The following CFAP74 variants were observed in gnomAD, a reference collection of about 807,000 sequenced individuals.
CFAP74 encodes the protein cilia- and flagella-associated protein 74.
In CFAP74, 124 loss-of-function variants were observed where a neutral mutation model predicts 188.9. That is an observed-to-expected ratio of 0.66 (90% CI 0.57 to 0.76). The LOEUF is 0.76. CFAP74 is among the 30% of genes least tolerant of loss of function. The pLI, the probability that CFAP74 is intolerant of heterozygous loss-of-function variation, is 0.00. For missense variants in CFAP74, 2,198 were observed against 2,165.2 expected (o/e 1.02, Z -0.30); for synonymous variants, 956 against 916.7 (o/e 1.04, Z -0.77).
rs1651936529 is a variant in CFAP74 at position 1,926,762 on chromosome 1, C to A, written c.3663-1G>T. 3 of 1,549,816 alleles carry A rather than the reference C, an allele frequency of 1.9e-6. No homozygotes were observed. Among genetic ancestry groups the A allele is most frequent in the Non-Finnish European group, 2.6e-6 (3 of 1,146,724 alleles). On this transcript the variant is annotated splice_acceptor_variant, in intron 29 of 38. Coordinates refer to ENST00000682832, the MANE Select transcript of CFAP74 (RefSeq NM_001304360.2). LOFTEE classifies it high-confidence loss of function. ...CTCCAGGTACAGGGTGTTGTGGGGG[C>A]TGGGATAGGAAGGGCATGCTGAGGG... is the stretch of plus-strand genomic sequence containing the variant.
rs2748972 is a variant in CFAP74 at position 1,960,038 on chromosome 1, A to G, written c.1695-8T>C. The G allele has an allele frequency of 0.11, 176,424 of 1,592,642 alleles. 11,760 individuals carry two copies. The highest frequency in any genetic ancestry group is 0.3 in the African/African-American group (21,685 of 72,700). On this transcript the variant is annotated splice_polypyrimidine_tract_variant and splice_region_variant and intron_variant, in intron 14 of 38. Coordinates refer to ENST00000682832, the MANE Select transcript of CFAP74 (RefSeq NM_001304360.2). ...GGGCCAGGGGGGTCAAAGCTGCAGG[A>G]CGTGACCCATAGCACACGGGGGTTA... is the stretch of plus-strand genomic sequence containing the variant.
chr1:1,928,507 C>A (rs544895302), intron 27 of CFAP74, among the ~76,000 whole-genome samples: 3 of 152,332 alleles, frequency 2.0e-5, no homozygotes, highest in Admixed American at 6.5e-5. Flanking sequence ...CCCTTCATTG[C>A]ATCCGCTGCA....
chr1:1,936,458 T>G (rs1302313167), intron 25 of CFAP74, among the ~76,000 whole-genome samples: 1 of 150,708 alleles, frequency 6.6e-6, no homozygotes, highest in Non-Finnish European at 1.5e-5. Flanking sequence ...GCAGGAGAAT[T>G]GCTTGAACCC....
intron 17 of CFAP74, among the ~76,000 whole-genome samples, chr1:1,956,290 AC>A: frequency 6.6e-6 from 1 of 151,486 alleles, no homozygotes; most frequent in East Asian, 1.9e-4. Flanking sequence ...CAGTCCTCCC[AC>A]CCCCACACCT....
rs146084753 is a variant in CFAP74 at position 1,923,648 on chromosome 1, A to G, written c.4389+127T>C. On this transcript the variant is annotated intron_variant, in intron 35 of 38. Transcript: ENST00000682832. The surrounding 1 kb of genome is among the most constrained non-coding windows in gnomAD (Gnocchi z 6.3). The stretch of plus-strand genomic sequence containing the variant: ...TCTGGTCTTTCCACTGACGGCCCTC[A>G]GTGTGGTGCTGAGTCCCCCAGCCAT... 33 of 1,531,520 alleles carry G rather than the reference A, an allele frequency of 2.2e-5. No homozygotes were observed. The Middle Eastern group carries it at 1.2e-3, about 54-fold the overall frequency. The allele number at this position is 1,531,520 out of a possible 1,614,324, so 94.9% of individuals were successfully genotyped here. A position where few individuals can be genotyped will look rare whatever the true frequency, so the allele number is the denominator to read the frequency against.
At position 1,985,175 on chromosome 1, in the gene CFAP74, T is replaced by G. The variant is rs1657153352; in HGVS notation, c.500+211A>C. Reference sequence around the variant, plus strand: ...AAAAAGAACCTGATTTTGGAGTTCCTAGGAACATAAACAAACCCAGAGAAA... The same window carrying G: ...AAAAAGAACCTGATTTTGGAGTTCCGAGGAACATAAACAAACCCAGAGAAA... On this transcript the variant is annotated intron_variant, in intron 6 of 38. Transcript: ENST00000682832. The G allele has an allele frequency of 2.5e-5, 13 of 519,710 alleles. No individual in the cohort carries two copies. In the South Asian group the frequency reaches 3.2e-4, roughly 13 times the overall value. 32.2% of individuals were successfully genotyped at this position (519,710 alleles called of 1,614,324 possible). A position where few individuals can be genotyped will look rare whatever the true frequency, so the allele number is the denominator to read the frequency against.
In CFAP74 at chr1:1,944,281, C is replaced by T. The variant is rs749528894; in HGVS notation, c.2486+50G>A. 28 of 1,516,716 alleles carry T rather than the reference C, an allele frequency of 1.8e-5. No homozygotes were observed. In the South Asian group the frequency reaches 3.3e-4, roughly 18 times the overall value. The allele number at this position is 1,516,716 out of a possible 1,614,324, so 94.0% of individuals were successfully genotyped here. The stretch of plus-strand genomic sequence containing the variant: ...GCGTGTGCACAGGCAGGCAGCGGCT[C>T]ACCCCGTGTGCGTGGGTCACCCCGT... On this transcript the variant is annotated intron_variant, in intron 21 of 38. Coordinates refer to ENST00000682832, the MANE Select transcript of CFAP74 (RefSeq NM_001304360.2).
intron 16 of CFAP74, 99 bp downstream of exon 16, chr1:1,959,021 C>T (rs1216558419): frequency 2.6e-5 from 21 of 795,262 alleles, no homozygotes; most frequent in Non-Finnish European, 3.8e-5. Flanking sequence ...ACCTGGTCCC[C>T]CCGCCAACCT....
Position 1,927,617 on chromosome 1 carries a change from G to A in CFAP74, c.3517C>T (p.Leu1173=). Residue 1173 remains leucine, a synonymous_variant, in exon 28 of 39, where the codon CTG becomes TTG. Transcript: ENST00000682832. Reference sequence around the variant, plus strand: ...CCCTCCTGGACCCACCTGGGCCTCAGCTCCCGCTTCCGCATCTCCAGGACG... The same window carrying A: ...CCCTCCTGGACCCACCTGGGCCTCAACTCCCGCTTCCGCATCTCCAGGACG... ...PHVLEMRKRE[L]RPSSDEYQAA... 6.5e-7 allele frequency: 1 copy of A among 1,549,800 alleles called. No individual in the cohort carries two copies.
At chr1:1,983,290 G>A (rs866413557) in intron 6 of CFAP74, among the ~76,000 whole-genome samples, 1 of 152,224 alleles carries the variant, frequency 6.6e-6, no homozygotes, top group Non-Finnish European at 1.5e-5. Flanking sequence ...GACACGGAGC[G>A]GGATTTCCCA....
At chr1:1,953,069 T>C (rs1334045655) in intron 18 of CFAP74, among the ~76,000 whole-genome samples, 1 of 152,064 alleles carries the variant, frequency 6.6e-6, no homozygotes, top group Non-Finnish European at 1.5e-5. Flanking sequence ...GATTCTACAG[T>C]TTATGTGGAA....
chr1:1,947,445 C>T (rs1232213628), intron 18 of CFAP74, among the ~76,000 whole-genome samples: 3 of 152,226 alleles, frequency 2.0e-5, no homozygotes, highest in African/African-American at 7.2e-5. Flanking sequence ...GTACTGTTCC[C>T]TACGGGTACC....
chr1:1,983,277 G>T (rs1439836166), intron 6 of CFAP74, among the ~76,000 whole-genome samples: 4 of 152,236 alleles, frequency 2.6e-5, no homozygotes, highest in Admixed American at 1.3e-4. Context: ...TCGTGTGAAA[G>T]GGGACACGGA....
intron 12 of CFAP74, among the ~76,000 whole-genome samples, chr1:1,965,996 G>C (rs1412406682): frequency 6.6e-6 from 1 of 152,244 alleles, no homozygotes; most frequent in Non-Finnish European, 1.5e-5. Context: ...GTCAAAGAAA[G>C]TTTGCACGCT....
At chr1:1,950,110 C>T (rs1310367735) in intron 18 of CFAP74, among the ~76,000 whole-genome samples, 1 of 152,156 alleles carries the variant, frequency 6.6e-6, no homozygotes, top group East Asian at 1.9e-4. Context: ...TCCCCAGGGG[C>T]AGCATTAGAA....
At chr1:1,996,146 G>C (rs757027857) in intron 1 of CFAP74, among the ~76,000 whole-genome samples, 4 of 151,888 alleles carry the variant, frequency 2.6e-5, no homozygotes, top group Non-Finnish European at 5.9e-5. Flanking sequence ...CACCACGCCT[G>C]GCTAATTTTT....
intron 25 of CFAP74, among the ~76,000 whole-genome samples, chr1:1,938,593 CA>C (rs1290066610): frequency 3.9e-5 from 6 of 152,152 alleles, no homozygotes; most frequent in Admixed American, 3.9e-4. Flanking sequence ...CCTGTCCTCA[CA>C]CACATGCTCA....
intron 29 of CFAP74, 47 bp downstream of exon 29, chr1:1,926,847 C>T (rs1190274144): frequency 7.1e-6 from 11 of 1,549,090 alleles, no homozygotes; most frequent in Admixed American, 3.9e-5. Context: ...AGAGGGACAG[C>T]GCGTTTGCGG....
In CFAP74 at chr1:1,972,092, G is replaced by T. The variant is rs538301389; in HGVS notation, c.786-10C>A. 6.2e-5 allele frequency: 99 copies of T among 1,604,660 alleles called. No individual in the cohort carries two copies. The South Asian group carries it at 1.0e-3, about 17-fold the overall frequency. On this transcript the variant is annotated splice_polypyrimidine_tract_variant and intron_variant, in intron 8 of 38. Coordinates refer to ENST00000682832, the MANE Select transcript of CFAP74 (RefSeq NM_001304360.2). Reference sequence around the variant, plus strand: ...CTCTTGCTCTCGGATTCTGAGGAAGGACATTTAAACATTTTTGAGGCTCTG... The same window carrying T: ...CTCTTGCTCTCGGATTCTGAGGAAGTACATTTAAACATTTTTGAGGCTCTG...
Sources: allele counts gnomAD v4.1 joint callset (sites outside exome capture counted in the v4.1 genomes callset), GRCh38; gene constraint gnomAD v4.1.1; non-coding constraint Gnocchi (gnomAD v3.1); transcripts MANE v1.5; gene names NCBI Gene and HGNC (gene_info 2026-07-23, HGNC 2026-07-21).